Variants in INSC observed in about 807,000 individuals in gnomAD.
INSC encodes the protein INSC spindle orientation adaptor protein, also known as protein inscuteable homolog.
In INSC, 67 loss-of-function variants were observed where a neutral mutation model predicts 58.6. The ratio of observed to expected loss-of-function variants is 1.14; its 90% CI spans 0.94 to 1.40. INSC has a LOEUF of 1.40. Ranked by LOEUF, INSC falls within the 40% of genes most tolerant of loss-of-function variation. The pLI is 0.00. For synonymous variants in INSC, 262 were observed against 276.1 expected, an observed-to-expected ratio of 0.95 and a Z score of 0.51; for missense variants, 714 against 692.0, an observed-to-expected ratio of 1.03 and a Z score of -0.36.
the INSC span, among the ~76,000 whole-genome samples, chr11:15,256,405 G>A: frequency 6.6e-6 from 1 of 152,122 alleles, no homozygotes; most frequent in Admixed American, 6.5e-5. Context: ...CTTGAGAAAT[G>A]TATCACATAA....
At chr11:15,240,573 C>T (rs1852310009) in intron 12 of INSC, 50 bp downstream of exon 12, 1 of 1,488,818 alleles carries the variant, frequency 6.7e-7, no homozygotes, top group Admixed American at 1.8e-5. Context: ...CGGAATGCAG[C>T]CAAGGGGGCC....
At position 15,142,970 on chromosome 11, in the gene INSC, A is replaced by C. The variant is rs1945620; in HGVS notation, c.-45-6160A>C. Among the ~76,000 whole-genome samples, 1,372 of 152,218 alleles carry C rather than the reference A, an allele frequency of 9.0e-3. 17 individuals carry two copies. Among genetic ancestry groups the C allele is most frequent in the African/African-American group, 0.032 (1,333 of 41,524 alleles). ...CCTTCCCACCGTGAGTATTCATCTT[A>C]CTGAATACTCATCACGGCATGCTGA... is the stretch of plus-strand genomic sequence containing the variant. On this transcript the variant is annotated intron_variant, in intron 1 of 12. Transcript: ENST00000379556.
chr11:15,151,639 G>A (rs1456463098), intron 2 of INSC, among the ~76,000 whole-genome samples: 3 of 152,086 alleles, frequency 2.0e-5, no homozygotes, highest in African/African-American at 7.2e-5. Flanking sequence ...CATGGTGGTG[G>A]TGCTGCTGGA....
chr11:15,269,419 T>C, the INSC span, among the ~76,000 whole-genome samples: 15 of 152,102 alleles, frequency 9.9e-5, no homozygotes, highest in Admixed American at 2.0e-4. Flanking sequence ...TAGGCACTTA[T>C]GGTGTAATGC....
Position 15,232,253 on chromosome 11 carries a change from G to A in INSC, c.1171-3349G>A, listed in dbSNP as rs575231298. 2.0e-5 allele frequency among the ~76,000 whole-genome samples: 3 copies of A among 152,284 alleles called. No homozygotes were observed. The East Asian group carries it at 5.8e-4, about 29-fold the overall frequency. On this transcript the variant is annotated intron_variant, in intron 9 of 12. Transcript: ENST00000379556. ...CGTGTCTTGGCCACACGGATGCTCAGCCCCCCGAGTGCTGCAGGTTACTTG... is the reference window on the plus strand; with the variant it reads ...CGTGTCTTGGCCACACGGATGCTCAACCCCCCGAGTGCTGCAGGTTACTTG...
chr11:15,245,506 C>G (rs1852526722), intron 12 of INSC, among the ~76,000 whole-genome samples: 2 of 152,208 alleles, frequency 1.3e-5, no homozygotes, highest in African/African-American at 4.8e-5. Context: ...GAATCCCTGT[C>G]TACTTTTACA....
intron 2 of INSC, among the ~76,000 whole-genome samples, chr11:15,156,781 A>G (rs182505846): frequency 1.1e-4 from 16 of 152,176 alleles, no homozygotes; most frequent in Admixed American, 5.9e-4. Flanking sequence ...ATAGGTGGCA[A>G]TCCTCCCTTT....
chr11:15,236,696 A>C lies in INSC; in HGVS notation c.1237+1028A>C, dbSNP rs547111754. Among the ~76,000 whole-genome samples the C allele has an allele frequency of 4.6e-5, 7 of 152,302 alleles. No individual in the cohort carries two copies. The East Asian group carries it at 1.4e-3, about 29-fold the overall frequency. ...TGAGGGCTTCCTGTGACTGGGAAAT[A>C]AGGGAGCAATTAGCAACCGGTTGGA... On this transcript the variant is annotated intron_variant, in intron 10 of 12. Transcript: ENST00000379556.
Position 15,190,729 on chromosome 11 carries a change from A to G in INSC, c.608A>G (p.Asp203Gly), listed in dbSNP as rs994129266. 2 of 1,613,182 alleles carry G rather than the reference A, an allele frequency of 1.2e-6. No individual in the cohort carries two copies. The highest frequency in any genetic ancestry group is 1.3e-5 in the African/African-American group (1 of 74,666). Residue 203 changes from aspartate to glycine, a missense_variant, in exon 6 of 13, where the codon GAC (aspartate) becomes GGC (glycine). Physicochemically the swap from Asp to Gly is moderately conservative, Grantham distance 94 (BLOSUM62 -1). Transcript: ENST00000379556. Reference protein sequence around the residue: ...QALVRKIDASDNIYTTESTTG... With the variant: ...QALVRKIDASGNIYTTESTTG... ...CTGGTGAGAAAAATTGATGCCTCAG[A>G]CAATATCTACACCACAGAGTCCACC...
At chr11:15,173,336 T>C (rs1849465559) in intron 2 of INSC, among the ~76,000 whole-genome samples, 1 of 152,140 alleles carries the variant, frequency 6.6e-6, no homozygotes, top group Non-Finnish European at 1.5e-5. Flanking sequence ...TATACTTAGA[T>C]AAAAGTCTGT....
chr11:15,234,332 T>G (rs1406080217), intron 9 of INSC, among the ~76,000 whole-genome samples: 2 of 151,932 alleles, frequency 1.3e-5, no homozygotes, highest in Non-Finnish European at 2.9e-5. Flanking sequence ...AGGGGAGAGA[T>G]AGATATTCTA....
intron 11 of INSC, among the ~76,000 whole-genome samples, chr11:15,239,516 T>C (rs117712382): frequency 0.01 from 1,568 of 152,320 alleles, 19 homozygotes; most frequent in Non-Finnish European, 0.017. Context: ...CCCATTAACA[T>C]GCTCATTCAT....
chr11:15,162,055 A>G (rs1284095008), intron 2 of INSC, among the ~76,000 whole-genome samples: 2 of 152,178 alleles, frequency 1.3e-5, no homozygotes, highest in Non-Finnish European at 2.9e-5. Flanking sequence ...TTGTTTTTAT[A>G]AAGCCCTCAC....
chr11:15,168,097 A>G (rs1849265905), intron 2 of INSC, among the ~76,000 whole-genome samples: 2 of 152,092 alleles, frequency 1.3e-5, no homozygotes, highest in African/African-American at 4.8e-5. Context: ...CTCTCTGCTC[A>G]TCTACTTTAT....
upstream of INSC, among the ~76,000 whole-genome samples, chr11:15,113,147 G>GTCTTTCTTTCTCTCTCTCTCTCTC (rs1196580161): frequency 8.8e-6 from 1 of 113,746 alleles, no homozygotes; most frequent in African/African-American, 3.1e-5. Flanking sequence ...CTTTCTTTCT[G>GTCTTTCTTTCTCTCTCTCTCTCTC]TCTCTCTCTC....
chr11:15,213,770 A>G (rs148143602), intron 7 of INSC, among the ~76,000 whole-genome samples: 1 of 152,244 alleles, frequency 6.6e-6, no homozygotes, highest in African/African-American at 2.4e-5. Context: ...CATATTACAT[A>G]TGAATATTTG....
At chr11:15,112,287 G>C (rs993660726), upstream of INSC, 3 of 481,206 alleles carry the variant, frequency 6.2e-6, no homozygotes, top group Non-Finnish European at 1.1e-5. Flanking sequence ...GGGGTCGAGG[G>C]GGAGGAAGCT....
At chr11:15,259,748 A>G in the INSC span, among the ~76,000 whole-genome samples, 1 of 152,180 alleles carries the variant, frequency 6.6e-6, no homozygotes, top group Non-Finnish European at 1.5e-5. Context: ...TCCAAATTTC[A>G]TGACTATTAA....
At chr11:15,209,396 T>C (rs535784269) in intron 7 of INSC, among the ~76,000 whole-genome samples, 1 of 152,328 alleles carries the variant, frequency 6.6e-6, no homozygotes, top group African/African-American at 2.4e-5. Flanking sequence ...CCAAAGGTCT[T>C]TGGGGCCTCC....
Sources: gnomAD v4.1 joint callset for allele counts (sites outside exome capture counted in the v4.1 genomes callset) on GRCh38, gnomAD v4.1.1 for gene constraint, MANE v1.5 for transcripts, NCBI Gene and HGNC (gene_info 2026-07-23, HGNC 2026-07-21) for gene names.